Variants in CLVS1 observed in about 807,000 individuals in gnomAD.
The protein encoded by CLVS1 is clavesin 1.
A neutral mutation model predicts 33.1 loss-of-function variants in CLVS1; 10 were observed. The ratio of observed to expected loss-of-function variants is 0.30; its 90% confidence interval spans 0.19 to 0.51. The LOEUF is 0.51. Among genes scored for constraint, CLVS1 ranks in the 20% least tolerant of loss-of-function variants. The probability of loss-of-function intolerance (pLI) is 0.97; values close to 1 mark genes in which losing one functional copy is unlikely to be tolerated. For synonymous variants in CLVS1, 163 were observed against 166.1 expected (o/e 0.98, Z 0.14); for missense variants, 343 against 433.4 (o/e 0.79, Z 1.85).
At chr8:61,191,442 G>A (rs1052297939) in intron 2 of CLVS1, among the ~76,000 whole-genome samples, 1 of 152,152 alleles carries the variant, frequency 6.6e-6, no homozygotes, top group Non-Finnish European at 1.5e-5. Context: ...AAAACTGGAA[G>A]CATTCCCTTT....
At chr8:61,352,995 A>T (rs1189882610) in intron 2 of CLVS1, among the ~76,000 whole-genome samples, 1 of 152,008 alleles carries the variant, frequency 6.6e-6, no homozygotes, top group Non-Finnish European at 1.5e-5. Context: ...TCCTGGAACC[A>T]ATTTCCTGTG....
chr8:60,967,882 A>T, the CLVS1 span: 1 of 323,038 alleles, frequency 3.1e-6, no homozygotes, highest in Non-Finnish European at 6.1e-6. Flanking sequence ...CTACATTGAT[A>T]GTATTTTCTA....
chr8:61,440,280 A>T (rs1816491814), intron 3 of CLVS1, among the ~76,000 whole-genome samples: 1 of 152,250 alleles, frequency 6.6e-6, no homozygotes, highest in Non-Finnish European at 1.5e-5. Context: ...ATTACATGAG[A>T]CAACACATAT....
the CLVS1 span, among the ~76,000 whole-genome samples, chr8:61,048,394 C>T: frequency 1.3e-5 from 2 of 152,194 alleles, no homozygotes; most frequent in Non-Finnish European, 2.9e-5. Context: ...AGAAGCCATG[C>T]CTGCATGGAG....
intron 2 of CLVS1, among the ~76,000 whole-genome samples, chr8:61,244,007 A>G (rs768110184): frequency 2.6e-5 from 4 of 152,170 alleles, no homozygotes; most frequent in Non-Finnish European, 5.9e-5. Flanking sequence ...TGTATCCCCA[A>G]ATCAATACTT....
intron 2 of CLVS1, among the ~76,000 whole-genome samples, chr8:61,306,485 T>C (rs1252686599): frequency 1.3e-5 from 2 of 152,216 alleles, no homozygotes; most frequent in African/African-American, 4.8e-5. Flanking sequence ...ATTCTGTAGG[T>C]TGTCTGTTTA....
intron 1 of CLVS1, among the ~76,000 whole-genome samples, chr8:61,289,227 G>GTAA (rs1165293055): frequency 6.6e-6 from 1 of 152,222 alleles, no homozygotes; most frequent in Non-Finnish European, 1.5e-5. Flanking sequence ...ATAGTAAAGG[G>GTAA]TAATAGAATG....
intron 2 of CLVS1, among the ~76,000 whole-genome samples, chr8:61,320,227 C>T (rs1270179414): frequency 6.6e-6 from 1 of 151,958 alleles, no homozygotes; most frequent in Admixed American, 6.6e-5. Context: ...TTGTTTTATA[C>T]ACATTTTTAT....
chr8:61,449,333 G>T (rs151292405), intron 3 of CLVS1, among the ~76,000 whole-genome samples: 4 of 152,142 alleles, frequency 2.6e-5, no homozygotes, highest in Non-Finnish European at 4.4e-5. Context: ...ACTGACAGGT[G>T]GGGGAGGAAG....
intron 3 of CLVS1, among the ~76,000 whole-genome samples, chr8:61,382,076 C>T (rs1813901266): frequency 6.6e-6 from 1 of 152,172 alleles, no homozygotes; most frequent in Admixed American, 6.5e-5. Context: ...GCCCCCTTTT[C>T]CAAAACATGA....
chr8:61,134,168 A>G (rs1806149372), intron 2 of CLVS1, among the ~76,000 whole-genome samples: 1 of 152,152 alleles, frequency 6.6e-6, no homozygotes, highest in Non-Finnish European at 1.5e-5. Context: ...AAACAGAGAG[A>G]CACAGAGAAA....
chr8:61,466,947 C>T (rs116991043), intron 5 of CLVS1, among the ~76,000 whole-genome samples: 11,222 of 152,192 alleles, frequency 0.074, 496 homozygotes, highest in Non-Finnish European at 0.098. Flanking sequence ...CCGCACCTGG[C>T]CTATAGATAT....
intron 1 of CLVS1, among the ~76,000 whole-genome samples, chr8:61,105,618 G>A (rs908656404): frequency 6.6e-6 from 1 of 152,108 alleles, no homozygotes; most frequent in African/African-American, 2.4e-5. Context: ...CCTGAATAAG[G>A]CCTCACAAAT....
At chr8:61,273,724 G>T (rs181562296) in intron 2 of CLVS1, among the ~76,000 whole-genome samples, 4 of 152,342 alleles carry the variant, frequency 2.6e-5, no homozygotes, top group South Asian at 2.1e-4. Flanking sequence ...TCAGAAAAGC[G>T]CAGTATTCGG....
At chr8:61,476,588 G>A (rs1179654264) in intron 5 of CLVS1, among the ~76,000 whole-genome samples, 1 of 151,974 alleles carries the variant, frequency 6.6e-6, no homozygotes, top group Non-Finnish European at 1.5e-5. Context: ...TCATGATTTG[G>A]CTCTCTGTTT....
intron 1 of CLVS1, among the ~76,000 whole-genome samples, chr8:61,097,321 A>T (rs1805371011): frequency 6.6e-6 from 1 of 152,040 alleles, no homozygotes; most frequent in Admixed American, 6.5e-5. Context: ...AAATTAATTA[A>T]TTAATTAAAA....
In CLVS1 at chr8:61,351,308, G is replaced by C. The variant is rs527652250; in HGVS notation, c.456-25297G>C. On this transcript the variant is annotated intron_variant, in intron 2 of 5. Coordinates refer to ENST00000325897, the MANE Select transcript of CLVS1 (RefSeq NM_173519.3). ...AATTTTAAAGTGTCATTTTAAACTT[G>C]AAATGATAGGTTCAATAATAGAGTG... Among the ~76,000 whole-genome samples, 5 of 152,188 alleles carry C rather than the reference G, an allele frequency of 3.3e-5. No individual in the cohort carries two copies. In the South Asian group the frequency reaches 1.0e-3, roughly 32 times the overall value.
At chr8:61,190,273 A>G (rs1028411379) in intron 2 of CLVS1, among the ~76,000 whole-genome samples, 4 of 152,234 alleles carry the variant, frequency 2.6e-5, no homozygotes, top group African/African-American at 9.6e-5. Context: ...CTGAATGACT[A>G]CTGGATACAT....
intron 2 of CLVS1, among the ~76,000 whole-genome samples, chr8:61,220,778 C>T (rs1457630705): frequency 1.3e-5 from 2 of 151,972 alleles, no homozygotes; most frequent in South Asian, 4.1e-4. Flanking sequence ...GATATTGATT[C>T]TTCCTATCCA....
Sources: gnomAD v4.1 joint callset for allele counts (sites outside exome capture counted in the v4.1 genomes callset) on GRCh38, gnomAD v4.1.1 for gene constraint, MANE v1.5 for transcripts, NCBI Gene and HGNC (gene_info 2026-07-23, HGNC 2026-07-21) for gene names.